The following OTOGL variants were observed in gnomAD, a reference collection of about 807,000 sequenced individuals.
OTOGL encodes the protein otogelin like, also known as otogelin-like protein.
OTOGL carries 285 observed loss-of-function variants against 318.5 expected under a neutral mutation model. That is an observed-to-expected ratio of 0.89 (90% CI 0.81 to 0.99). The LOEUF (loss-of-function observed/expected upper bound fraction) is 0.99, where lower values mean the gene tolerates loss of function less well. OTOGL is among the 50% of genes least tolerant of loss of function. The pLI is 0.00. For synonymous variants in OTOGL, 987 were observed against 936.5 expected (o/e 1.05, Z -0.99); for missense variants, 2,899 against 2,845.6 (o/e 1.02, Z -0.43).
At chr12:80,263,308 G>C (rs1326168166) in intron 19 of OTOGL, among the ~76,000 whole-genome samples, 1 of 151,712 alleles carries the variant, frequency 6.6e-6, no homozygotes, top group Non-Finnish European at 1.5e-5. Context: ...TTCTTTCTTG[G>C]TTTCCTCCTG....
chr12:80,222,052 T>C, intron 6 of OTOGL, 39 bp from the exon 7 acceptor site: 3 of 1,552,990 alleles, frequency 1.9e-6, no homozygotes, highest in South Asian at 1.2e-5. Flanking sequence ...AAACGTGTAA[T>C]TTATTTTGCC....
At chr12:80,342,274 A>G (rs746772560) in intron 44 of OTOGL, 112 bp downstream of exon 44, 8 of 755,950 alleles carry the variant, frequency 1.1e-5, no homozygotes, top group Admixed American at 3.1e-5. Flanking sequence ...AAAACCCCCA[A>G]CCTTCTGTCA....
Position 80,329,058 on chromosome 12 carries a change from T to C in OTOGL, c.4287T>C (p.Pro1429=). The change falls in exon 37 of 59, where the codon CCT becomes CCC. Residue 1429 remains proline (P), a synonymous_variant. Coordinates refer to ENST00000547103, the MANE Select transcript of OTOGL (RefSeq NM_001378609.3). The part of the protein sequence containing the change: ...LKCVYPRDCI[P]VIPTEPTLMP... ...ACCTTTGTTTCTTTGTAGGTATACC[T>C]GTGATTCCCACAGAACCAACATTAA... The C allele has an allele frequency of 6.3e-7, 1 of 1,582,034 alleles. No individual in the cohort carries two copies. The highest frequency in any genetic ancestry group is 8.6e-7 in the Non-Finnish European group (1 of 1,169,500).
At chr12:80,262,479 G>T (rs914566619) in intron 19 of OTOGL, among the ~76,000 whole-genome samples, 1 of 152,044 alleles carries the variant, frequency 6.6e-6, no homozygotes, top group African/African-American at 2.4e-5. Context: ...TTCGATGTCA[G>T]TTATTACCAT....
intron 19 of OTOGL, among the ~76,000 whole-genome samples, chr12:80,263,387 A>T (rs895024554): frequency 3.3e-5 from 5 of 152,062 alleles, no homozygotes; most frequent in African/African-American, 1.2e-4. Flanking sequence ...TCAATTGATA[A>T]ATTCAGTTTC....
At chr12:80,267,403 A>G (rs1883068963) in intron 22 of OTOGL, 76 bp downstream of exon 22, 3 of 695,630 alleles carry the variant, frequency 4.3e-6, no homozygotes, top group Non-Finnish European at 5.8e-6. Context: ...ATATATATAT[A>G]TATATTTTTT....
chr12:80,339,152 T>A lies in OTOGL; in HGVS notation c.4938T>A (p.Tyr1646Ter). Residue 1646 changes from tyrosine (Y) to a stop codon, truncating the protein, a stop_gained, in exon 43 of 59, where the codon TAT (tyrosine) becomes TAA (stop). Transcript: ENST00000547103. LOFTEE classifies it high-confidence loss of function. ...ELSIEDSGSMYVITTPAGLII... is the reference protein window; with the variant it reads ...ELSIEDSGSM Reference sequence around the variant, plus strand: ...CCATAGAGGATTCTGGTTCAATGTATGTAATTACTACTCCAGCTGGACTAA... The same window carrying A: ...CCATAGAGGATTCTGGTTCAATGTAAGTAATTACTACTCCAGCTGGACTAA... 1 of 1,611,080 alleles carries A rather than the reference T, an allele frequency of 6.2e-7. No homozygotes were observed. Among genetic ancestry groups the A allele is most frequent in the Non-Finnish European group, 8.5e-7 (1 of 1,177,356 alleles).
chr12:80,356,730 A>T, intron 48 of OTOGL, 77 bp from the exon 49 acceptor site: 1 of 802,480 alleles, frequency 1.2e-6, no homozygotes, highest in South Asian at 2.7e-5. Context: ...TTTATTACTA[A>T]ATTCAAAGAG....
chr12:80,235,520 A>T (rs1487550292), intron 9 of OTOGL, among the ~76,000 whole-genome samples: 2 of 151,186 alleles, frequency 1.3e-5, no homozygotes, highest in Non-Finnish European at 2.9e-5. Context: ...TTCTCCTGGG[A>T]TGCCCAGGGA....
intron 57 of OTOGL, among the ~76,000 whole-genome samples, chr12:80,374,994 C>T (rs1303161868): frequency 6.6e-6 from 1 of 152,098 alleles, no homozygotes; most frequent in East Asian, 1.9e-4. Flanking sequence ...AAATTTAGGC[C>T]TGTCCAGTAT....
chr12:80,333,239 T>A (rs1888191766), intron 38 of OTOGL, among the ~76,000 whole-genome samples, 161 bp downstream of exon 38: 1 of 152,034 alleles, frequency 6.6e-6, no homozygotes, highest in Admixed American at 6.6e-5. Context: ...GGAACAATTG[T>A]AACTGATATT....
At chr12:80,331,193 A>C (rs1888046068) in intron 37 of OTOGL, among the ~76,000 whole-genome samples, 1 of 152,178 alleles carries the variant, frequency 6.6e-6, no homozygotes, top group East Asian at 1.9e-4. Flanking sequence ...CATACTTCTC[A>C]GTTTCAAGAC....
chr12:80,125,928 CT>C (rs1165247932), intron 1 of OTOGL, among the ~76,000 whole-genome samples: 1 of 152,034 alleles, frequency 6.6e-6, no homozygotes, highest in African/African-American at 2.4e-5. Context: ...ATTCTTCTCT[CT>C]TTTCTTCTTA....
At chr12:80,227,469 G>T (rs894759753) in intron 7 of OTOGL, among the ~76,000 whole-genome samples, 1 of 151,976 alleles carries the variant, frequency 6.6e-6, no homozygotes, top group Non-Finnish European at 1.5e-5. Context: ...AATGACTAAT[G>T]ATTCATGAAT....
intron 1 of OTOGL, among the ~76,000 whole-genome samples, chr12:80,179,391 A>C (rs576174828): frequency 8.7e-4 from 133 of 152,286 alleles, no homozygotes; most frequent in African/African-American, 2.5e-3. Context: ...GGCTTTCTAT[A>C]AGGCCTGTAG....
At chr12:80,297,517 G>C (rs532864770) in intron 27 of OTOGL, among the ~76,000 whole-genome samples, 7 of 152,102 alleles carry the variant, frequency 4.6e-5, no homozygotes, top group Non-Finnish European at 1.0e-4. Context: ...ATTTTCAGTA[G>C]AGACGGGATT....
chr12:80,232,456 T>C (rs1879454569), intron 8 of OTOGL, among the ~76,000 whole-genome samples: 1 of 152,226 alleles, frequency 6.6e-6, no homozygotes, highest in Admixed American at 6.5e-5. Context: ...TTTGTATATT[T>C]TGATGATTGT....
At chr12:80,330,879 G>C (rs898332398) in intron 37 of OTOGL, among the ~76,000 whole-genome samples, 3 of 152,184 alleles carry the variant, frequency 2.0e-5, no homozygotes, top group Non-Finnish European at 2.9e-5. Flanking sequence ...TGCATTTATA[G>C]TAGTATCAAA....
intron 5 of OTOGL, among the ~76,000 whole-genome samples, chr12:80,219,375 G>A (rs1405766114): frequency 1.3e-5 from 2 of 152,220 alleles, no homozygotes; most frequent in Non-Finnish European, 1.5e-5. Flanking sequence ...GCTTCCCAGA[G>A]TGCTGGGATT....
Sources: allele counts gnomAD v4.1 joint callset (sites outside exome capture counted in the v4.1 genomes callset), GRCh38; gene constraint gnomAD v4.1.1; transcripts MANE v1.5; gene names NCBI Gene and HGNC (gene_info 2026-07-23, HGNC 2026-07-21).